Variants in SAMD3 observed in about 807,000 individuals in gnomAD.
SAMD3 encodes sterile alpha motif domain containing 3.
A neutral mutation model predicts 58.5 loss-of-function variants in SAMD3; 63 were observed. The observed-to-expected ratio is 1.08, with a 90% confidence interval of 0.88 to 1.33. The LOEUF (loss-of-function observed/expected upper bound fraction) is 1.33, where lower values mean the gene tolerates loss of function less well. Among genes scored for constraint, SAMD3 ranks in the 40% most tolerant of loss-of-function variants. The pLI, the probability that SAMD3 is intolerant of heterozygous loss-of-function variation, is 0.00. For missense variants in SAMD3, 604 were observed against 608.4 expected (o/e 0.99, Z 0.08); for synonymous variants, 220 against 210.3 (o/e 1.05, Z -0.40).
intron 5 of SAMD3, among the ~76,000 whole-genome samples, chr6:130,203,562 C>T (rs545892127): frequency 1.3e-5 from 2 of 152,316 alleles, no homozygotes; most frequent in African/African-American, 2.4e-5. Context: ...TTGCATCTCA[C>T]CCCCATGTCT....
intron 2 of SAMD3, among the ~76,000 whole-genome samples, chr6:130,276,644 G>C (rs1774785471): frequency 6.6e-6 from 1 of 151,934 alleles, no homozygotes; most frequent in African/African-American, 2.4e-5. Context: ...TTATAATAAG[G>C]GTATAATTCC....
intron 2 of SAMD3, among the ~76,000 whole-genome samples, chr6:130,232,470 G>A (rs1796574250): frequency 6.6e-6 from 1 of 152,088 alleles, no homozygotes; most frequent in Admixed American, 6.6e-5. Context: ...AGATCTGTCA[G>A]GATCCACTTC....
In SAMD3 at chr6:130,144,545, ACTT is replaced by A; in HGVS notation, c.1535_1537del (p.Glu512del). On this transcript the variant is annotated inframe_deletion, in exon 12 of 12. Transcript: ENST00000439090. ...TTAAGTGAGTGGGTGCTGAAATCCT[ACTT>A]CGTTTTCCTTTTCTTTCAAAGAAGG... 6.2e-7 allele frequency: 1 copy of A among 1,613,986 alleles called. No individual in the cohort carries two copies. The highest frequency in any genetic ancestry group is 8.5e-7 in the Non-Finnish European group (1 of 1,179,938).
chr6:130,324,616 A>G (rs548284557), intron 1 of SAMD3, among the ~76,000 whole-genome samples: 1 of 152,282 alleles, frequency 6.6e-6, no homozygotes, highest in Non-Finnish European at 1.5e-5. Flanking sequence ...TTTCTTAAAG[A>G]AAGTAGGTTA....
At chr6:130,311,162 A>G (rs1776143046) in intron 2 of SAMD3, among the ~76,000 whole-genome samples, 1 of 152,188 alleles carries the variant, frequency 6.6e-6, no homozygotes, top group African/African-American at 2.4e-5. Context: ...TTTAAAAAGG[A>G]TCTTGAATCT....
In SAMD3 at chr6:130,231,564, C is replaced by CA. The variant is rs1426814199; in HGVS notation, c.-187-8752dup. 1.4e-3 allele frequency among the ~76,000 whole-genome samples: 201 copies of CA among 148,078 alleles called. 2 individuals carry two copies. The highest frequency in any genetic ancestry group is 3.3e-3 in the African/African-American group (132 of 40,290). On this transcript the variant is annotated intron_variant, in intron 2 of 13. Transcript: ENST00000368134. ...GGGCGACAAGAGTGAAACTCCGTCT[C>CA]AAAAAAAAATAAAAATAAAAAAAGT...
chr6:130,328,990 C>T (rs1309072488), intron 1 of SAMD3, among the ~76,000 whole-genome samples: 2 of 151,616 alleles, frequency 1.3e-5, no homozygotes, highest in Non-Finnish European at 2.9e-5. Flanking sequence ...CTTTAGATGG[C>T]CACAAGTAAG....
At chr6:130,175,809 A>C in intron 8 of SAMD3, 32 bp downstream of exon 8, 1 of 1,399,294 alleles carries the variant, frequency 7.1e-7, no homozygotes. Context: ...CAATCTATCA[A>C]GTCATCAGAA....
At chr6:130,272,593 C>T (rs976058398) in intron 2 of SAMD3, among the ~76,000 whole-genome samples, 6 of 152,116 alleles carry the variant, frequency 3.9e-5, no homozygotes, top group African/African-American at 1.4e-4. Flanking sequence ...TAATAAATCT[C>T]CAACTGATAA....
chr6:130,353,996 T>C (rs1777754312), intron 1 of SAMD3, among the ~76,000 whole-genome samples: 1 of 151,914 alleles, frequency 6.6e-6, no homozygotes, highest in Admixed American at 6.6e-5. Context: ...AACAACCCCA[T>C]TAAAAAGTGG....
intron 2 of SAMD3, among the ~76,000 whole-genome samples, 159 bp downstream of exon 2, chr6:130,216,412 C>G (rs1424015618): frequency 6.6e-6 from 1 of 152,098 alleles, no homozygotes; most frequent in Non-Finnish European, 1.5e-5. Flanking sequence ...GAAATGGAAT[C>G]ATAAGGAAAG....
chr6:130,171,019 T>C (rs978065201), intron 8 of SAMD3, among the ~76,000 whole-genome samples: 11 of 152,224 alleles, frequency 7.2e-5, no homozygotes, highest in African/African-American at 2.4e-4. Flanking sequence ...TGTCTTGTGC[T>C]GGTTTTCAAA....
At chr6:130,317,273 T>C (rs1284489520) in intron 1 of SAMD3, among the ~76,000 whole-genome samples, 1 of 152,166 alleles carries the variant, frequency 6.6e-6, no homozygotes, top group Non-Finnish European at 1.5e-5. Context: ...ATTCCAGATT[T>C]AGATGAACTG....
At chr6:130,361,972 C>T (rs1313218482) in intron 1 of SAMD3, among the ~76,000 whole-genome samples, 1 of 152,154 alleles carries the variant, frequency 6.6e-6, no homozygotes, top group African/African-American at 2.4e-5. Flanking sequence ...TGGATGAGGG[C>T]AATTAAACCC....
intron 9 of SAMD3, among the ~76,000 whole-genome samples, chr6:130,146,898 G>A (rs925710268): frequency 3.0e-4 from 46 of 152,086 alleles, no homozygotes; most frequent in African/African-American, 1.1e-3. Flanking sequence ...GCCTTAGCCC[G>A]GGGAGATCGA....
At chr6:130,335,385 A>G (rs1295352201) in intron 1 of SAMD3, among the ~76,000 whole-genome samples, 1 of 152,242 alleles carries the variant, frequency 6.6e-6, no homozygotes, top group Non-Finnish European at 1.5e-5. Flanking sequence ...AGACAATTCC[A>G]TTAATGCATC....
chr6:130,281,529 A>G (rs543152853), intron 2 of SAMD3, among the ~76,000 whole-genome samples: 1 of 152,046 alleles, frequency 6.6e-6, no homozygotes, highest in African/African-American at 2.4e-5. Context: ...CACTCTCTCT[A>G]TAGAGGAAAT....
intron 1 of SAMD3, among the ~76,000 whole-genome samples, chr6:130,358,220 A>C (rs1003816886): frequency 6.6e-6 from 1 of 152,190 alleles, no homozygotes; most frequent in African/African-American, 2.4e-5. Context: ...GTTTTGAAGT[A>C]AATTATTCTT....
intron 2 of SAMD3, among the ~76,000 whole-genome samples, chr6:130,288,414 T>C (rs1775240914): frequency 1.3e-5 from 2 of 152,112 alleles, no homozygotes; most frequent in African/African-American, 4.8e-5. Context: ...CGGAGAGTAA[T>C]TTGTTTACTC....
Sources: allele counts gnomAD v4.1 joint callset (sites outside exome capture counted in the v4.1 genomes callset), GRCh38; gene constraint gnomAD v4.1.1; transcripts MANE v1.5; gene names NCBI Gene and HGNC (gene_info 2026-07-23, HGNC 2026-07-21).